The following RBFOX1 variants were observed in gnomAD, a reference collection of about 807,000 sequenced individuals.
The protein encoded by RBFOX1 is RNA binding fox-1 homolog 1, also known as RNA binding protein fox-1 homolog 1.
Under a neutral mutation model 57.7 loss-of-function variants are expected in RBFOX1, and 8 were observed. That is an observed-to-expected ratio of 0.14 (90% CI 0.08 to 0.25). RBFOX1 has a LOEUF of 0.25. Among genes scored for constraint, RBFOX1 ranks in the 10% least tolerant of loss-of-function variants. RBFOX1 has a pLI of 1.00. For missense variants in RBFOX1, 611 were observed against 548.5 expected (o/e 1.11, Z -1.14); for synonymous variants, 326 against 222.4 (o/e 1.47, Z -4.15).
chr16:5,710,806 T>G (rs2051457967), intron 3 of RBFOX1, among the ~76,000 whole-genome samples: 1 of 152,150 alleles, frequency 6.6e-6, no homozygotes, highest in Admixed American at 6.5e-5. Flanking sequence ...TGGCAGTGGT[T>G]GCATTTGTGT....
chr16:6,211,037 A>G (rs1180618461), intron 1 of RBFOX1, among the ~76,000 whole-genome samples: 1 of 152,120 alleles, frequency 6.6e-6, no homozygotes, highest in African/African-American at 2.4e-5. Flanking sequence ...GACACTGAAG[A>G]AAACACACAT....
chr16:5,701,607 AT>A, intron 3 of RBFOX1, among the ~76,000 whole-genome samples: 1 of 151,810 alleles, frequency 6.6e-6, no homozygotes, highest in Non-Finnish European at 1.5e-5. Flanking sequence ...TATTTTTTGT[AT>A]TTTTTTGTAG....
At chr16:6,479,798 C>T (rs973084165) in intron 2 of RBFOX1, among the ~76,000 whole-genome samples, 1 of 151,450 alleles carries the variant, frequency 6.6e-6, no homozygotes, top group African/African-American at 2.4e-5. Context: ...GCCTGTAATC[C>T]CAGCACTTTG....
intron 2 of RBFOX1, among the ~76,000 whole-genome samples, chr16:6,341,621 C>T (rs926254048): frequency 1.3e-5 from 2 of 151,942 alleles, no homozygotes; most frequent in African/African-American, 2.4e-5. Context: ...TATCACAAAC[C>T]CTGATAGTAA....
intron 3 of RBFOX1, among the ~76,000 whole-genome samples, chr16:6,913,377 A>G (rs2153436898): frequency 6.6e-6 from 1 of 152,170 alleles, no homozygotes; most frequent in Middle Eastern, 3.4e-3. Flanking sequence ...AGCTCAGGCC[A>G]AGAGCAGCTG....
At chr16:7,004,267 C>A (rs546816272) in intron 3 of RBFOX1, among the ~76,000 whole-genome samples, 1 of 151,998 alleles carries the variant, frequency 6.6e-6, no homozygotes, top group Admixed American at 6.6e-5. Flanking sequence ...ATAAGAACAA[C>A]GCATTATATA....
At position 6,818,489 on chromosome 16, in the gene RBFOX1, G is replaced by A. The variant is rs1314581682; in HGVS notation, c.-16+163839G>A. On this transcript the variant is annotated intron_variant, in intron 3 of 15. Transcript: ENST00000550418. ...GAGTTTTATGAGTGAGTAAATGCCAGTGAGGTTTGTTATGTAGTTACTAAA... is the reference window on the plus strand; with the variant it reads ...GAGTTTTATGAGTGAGTAAATGCCAATGAGGTTTGTTATGTAGTTACTAAA... 2.0e-5 allele frequency among the ~76,000 whole-genome samples: 3 copies of A among 152,194 alleles called. No homozygotes were observed. The East Asian group carries it at 5.8e-4, about 29-fold the overall frequency.
At position 6,391,806 on chromosome 16, in the gene RBFOX1, C is replaced by A. The variant is rs531080841; in HGVS notation, c.-64+74749C>A. Among the ~76,000 whole-genome samples the A allele has an allele frequency of 8.5e-5, 13 of 152,230 alleles. No homozygotes were observed. In the East Asian group the frequency reaches 2.5e-3, roughly 29 times the overall value. On this transcript the variant is annotated intron_variant, in intron 2 of 15. Coordinates refer to ENST00000550418, the MANE Select transcript of RBFOX1 (RefSeq NM_018723.4). ...AGATTTTTAAATAACAAATAGGATA[C>A]CCCTCCCATCCTCGAAGAGCTCACA...
At chr16:7,184,334 G>C (rs754919263) in intron 4 of RBFOX1, among the ~76,000 whole-genome samples, 1 of 152,200 alleles carries the variant, frequency 6.6e-6, no homozygotes, top group Non-Finnish European at 1.5e-5. Context: ...AGTGTACTCT[G>C]TTCCTTAGCT....
chr16:5,300,630 G>A (rs2063780872), intron 1 of RBFOX1, among the ~76,000 whole-genome samples: 2 of 152,044 alleles, frequency 1.3e-5, no homozygotes, highest in South Asian at 2.1e-4. Context: ...AGACATCTGG[G>A]ACTCGGCTTT....
intron 1 of RBFOX1, among the ~76,000 whole-genome samples, chr16:5,452,514 C>T (rs1427247031): frequency 6.6e-6 from 1 of 152,130 alleles, no homozygotes; most frequent in Non-Finnish European, 1.5e-5. Flanking sequence ...ATTCCCACTG[C>T]CTTTCGCCAG....
chr16:5,728,628 A>C (rs2052242732), intron 3 of RBFOX1, among the ~76,000 whole-genome samples: 1 of 152,150 alleles, frequency 6.6e-6, no homozygotes, highest in Non-Finnish European at 1.5e-5. Flanking sequence ...CGCACATGTG[A>C]GCCCTCTGGG....
chr16:5,817,230 A>G (rs1322473155), intron 3 of RBFOX1, among the ~76,000 whole-genome samples: 3 of 152,148 alleles, frequency 2.0e-5, no homozygotes, highest in Non-Finnish European at 4.4e-5. Context: ...AGGAGCAGCC[A>G]TGTTTCTATT....
chr16:6,327,376 G>A (rs1345545689), intron 2 of RBFOX1, among the ~76,000 whole-genome samples: 2 of 152,004 alleles, frequency 1.3e-5, no homozygotes, highest in African/African-American at 2.4e-5. Flanking sequence ...TAATTACTTA[G>A]CACCTATAGA....
At chr16:6,506,954 G>T (rs978641637) in intron 2 of RBFOX1, among the ~76,000 whole-genome samples, 9 of 152,194 alleles carry the variant, frequency 5.9e-5, no homozygotes, top group Admixed American at 3.3e-4. Flanking sequence ...AGCCTTAGTA[G>T]TAGCTAATCT....
intron 3 of RBFOX1, among the ~76,000 whole-genome samples, chr16:6,860,433 G>A (rs1166636473): frequency 1.3e-5 from 2 of 152,168 alleles, no homozygotes; most frequent in Non-Finnish European, 2.9e-5. Flanking sequence ...TGGCTAAGAC[G>A]CGGGGGCAGC....
chr16:6,382,255 G>A (rs966537910), intron 2 of RBFOX1, among the ~76,000 whole-genome samples: 10 of 152,184 alleles, frequency 6.6e-5, no homozygotes, highest in South Asian at 2.1e-4. Flanking sequence ...GTGGGCCTGC[G>A]GTCTGAAAGC....
intron 4 of RBFOX1, among the ~76,000 whole-genome samples, chr16:5,984,341 G>C (rs2060239601): frequency 6.6e-6 from 1 of 151,240 alleles, no homozygotes. Flanking sequence ...AGGTAAGAAA[G>C]TCTTTGCAGT....
intron 1 of RBFOX1, among the ~76,000 whole-genome samples, chr16:6,142,079 A>G (rs572469238): frequency 6.7e-6 from 1 of 148,582 alleles, no homozygotes; most frequent in East Asian, 2.0e-4. Flanking sequence ...CATCACCTGG[A>G]ATACTGCTTC....
Sources: gnomAD v4.1 joint callset for allele counts (sites outside exome capture counted in the v4.1 genomes callset) on GRCh38, gnomAD v4.1.1 for gene constraint, MANE v1.5 for transcripts, NCBI Gene and HGNC (gene_info 2026-07-23, HGNC 2026-07-21) for gene names.